The following OSCAR variants were observed in gnomAD, a reference collection of about 807,000 sequenced individuals.
OSCAR encodes the protein osteoclast-associated immunoglobulin-like receptor.
Under a neutral mutation model 27.3 loss-of-function variants are expected in OSCAR, and 25 were observed. The observed-to-expected ratio is 0.92, with a 90% CI of 0.67 to 1.28. The LOEUF is 1.28. OSCAR is among the 50% of genes most tolerant of loss of function. OSCAR has a pLI of 0.00. For synonymous variants in OSCAR, 158 were observed against 165.7 expected (o/e 0.95, Z 0.36); for missense variants, 354 against 355.1 (o/e 1.00, Z 0.03).
rs1215562028 is a variant in OSCAR, at chr19:54,096,931, A to G, written c.304T>C (p.Tyr102His). ...CCCGGCCCCCAGTCTGGCCTTCGGT[A>G]GCAGCAGCGGTAACTTCCCCCTTGG... ...PAQGGSYRCC[Y>H]RRPDWGPGVW... Residue 102 changes from tyrosine (Y) to histidine (H), a missense_variant, in exon 3 of 5, where the codon TAC becomes CAC. Transcript: ENST00000358375. The G allele has an allele frequency of 6.2e-7, 1 of 1,613,978 alleles. No individual in the cohort carries two copies. Among genetic ancestry groups the G allele is most frequent in the Admixed American group, 1.7e-5 (1 of 59,982 alleles).
chr19:54,100,729 C>G lies in OSCAR; in HGVS notation c.37+27G>C. 23 of 1,550,654 alleles carry G rather than the reference C, an allele frequency of 1.5e-5. 1 individual carries two copies. The highest frequency in any genetic ancestry group is 1.9e-5 in the Non-Finnish European group (22 of 1,146,228). The stretch of plus-strand genomic sequence containing the variant: ...CTCTGCCCCCAACCCCAGCCAGGAA[C>G]CCAGGGAGAAGAAAGGGGTGACTCA... On this transcript the variant is annotated intron_variant, in intron 1 of 4. Transcript: ENST00000358375.
chr19:54,095,317 G>A lies in OSCAR; in HGVS notation c.696C>T (p.Arg232=). ...TGAGGACCAGCCCGGCCAGCCCCAGGCGGACTAGGTTCCCCCGGGTGTAGT... is the reference window on the plus strand; with the variant it reads ...TGAGGACCAGCCCGGCCAGCCCCAGACGGACTAGGTTCCCCCGGGTGTAGT... The part of the protein sequence containing the change: ...SSDYTRGNLV[R]LGLAGLVLIS... The change falls in exon 5 of 5, where the codon CGC becomes CGT. Residue 232 remains arginine, a synonymous_variant. Coordinates refer to ENST00000358375, the MANE Select transcript of OSCAR (RefSeq NM_133169.6). The A allele has an allele frequency of 1.3e-6, 2 of 1,580,726 alleles. No homozygotes were observed. The highest frequency in any genetic ancestry group is 1.7e-6 in the Non-Finnish European group (2 of 1,163,688).
intron 4 of OSCAR, 126 bp from the exon 5 acceptor site, chr19:54,095,483 G>A: frequency 6.9e-7 from 1 of 1,445,800 alleles, no homozygotes; most frequent in Non-Finnish European, 9.1e-7. Flanking sequence ...AAGTTGAGGG[G>A]GAGTCGATGG....
At chr19:54,096,184 C>A (rs1309107068) in intron 3 of OSCAR, 31 bp from the exon 4 acceptor site, 1 of 1,466,102 alleles carries the variant, frequency 6.8e-7, no homozygotes, top group Admixed American at 2.6e-5. Context: ...TCCGGGGCCG[C>A]GTGAGCGTCT....
In OSCAR at chr19:54,096,029, C is replaced by G. The variant is rs2072659635; in HGVS notation, c.498G>C (p.Val166=). ...NMSFVLYREG[V]AAPLQYRHSA... ...AGTGGCGGTACTGCAGCGGGGCCGC[C>G]ACGCCCTCGCGGTACAGCACGAAGC... The change falls in exon 4 of 5, where the codon GTG becomes GTC. Residue 166 remains valine, a synonymous_variant. Coordinates refer to ENST00000358375, the MANE Select transcript of OSCAR (RefSeq NM_133169.6). 10 of 1,563,042 alleles carry G rather than the reference C, an allele frequency of 6.4e-6. No homozygotes were observed. Among genetic ancestry groups the G allele is most frequent in the Non-Finnish European group, 6.9e-6 (8 of 1,157,266 alleles).
At position 54,097,180 on chromosome 19, in the gene OSCAR, T is replaced by C. The variant is rs587669078; in HGVS notation, c.71-16A>G. On this transcript the variant is annotated splice_polypyrimidine_tract_variant and intron_variant, in intron 2 of 4. Transcript: ENST00000358375. ...GCTGGGGGGACTGAATAAACGGGGC[T>C]GCCTGGGTCCTCGGGCCTCCTGGGA... is the stretch of plus-strand genomic sequence containing the variant. 3 of 1,594,780 alleles carry C rather than the reference T, an allele frequency of 1.9e-6. No homozygotes were observed. In the South Asian group the frequency reaches 3.3e-5, roughly 18 times the overall value.
chr19:54,097,893 G>A (rs929492656), intron 2 of OSCAR, among the ~76,000 whole-genome samples: 4 of 151,752 alleles, frequency 2.6e-5, no homozygotes, highest in Non-Finnish European at 5.9e-5. Context: ...GAGCCACCAC[G>A]CCCAGCCAGA....
intron 2 of OSCAR, among the ~76,000 whole-genome samples, chr19:54,098,442 G>A (rs587650461): frequency 3.3e-5 from 5 of 152,090 alleles, no homozygotes; most frequent in Non-Finnish European, 7.3e-5. Context: ...GTGCTAGCTT[G>A]TAGTTCCAGC....
At position 54,097,126 on chromosome 19, in the gene OSCAR, C is replaced by T. The variant is rs2072788271; in HGVS notation, c.109G>A (p.Ala37Thr). 1 of 1,614,070 alleles carries T rather than the reference C, an allele frequency of 6.2e-7. No individual in the cohort carries two copies. Among genetic ancestry groups the T allele is most frequent in the South Asian group, 1.1e-5 (1 of 91,086 alleles). The change falls in exon 3 of 5, where the codon GCT (alanine) becomes ACT (threonine). Residue 37 changes from alanine to threonine, a missense_variant. Physicochemically the swap from Ala to Thr is moderately conservative, Grantham distance 58 (BLOSUM62 0). Coordinates refer to ENST00000358375, the MANE Select transcript of OSCAR (RefSeq NM_133169.6). ...ASYHPKPWLG[A>T]QPATVVTPGV... is the part of the protein sequence containing the mutation. The stretch of plus-strand genomic sequence containing the variant: ...GGGGTCACAACTGTAGCCGGCTGAG[C>T]TCCCAGCCATGGCTTAGGGTGGTAT...
Position 54,095,271 on chromosome 19 carries a change from TGACCAGCGCGCCCAGGGAGATGAG to T in OSCAR, c.718_741del (p.Leu240_Val247del), listed in dbSNP as rs1255046878. On this transcript the variant is annotated inframe_deletion, in exon 5 of 5. Coordinates refer to ENST00000358375, the MANE Select transcript of OSCAR (RefSeq NM_133169.6). ...CGGTTCTGACTGCGCCAGTCAAAAG[TGACCAGCGCGCCCAGGGAGATGAG>T]GACCAGCCCGGCCAGCCCCAGGCGG... 1.9e-5 allele frequency: 30 copies of T among 1,606,116 alleles called. No homozygotes were observed. Among genetic ancestry groups the T allele is most frequent in the Non-Finnish European group, 2.3e-5 (27 of 1,177,050 alleles).
At position 54,095,436 on chromosome 19, in the gene OSCAR, C is replaced by T. The variant is rs1031346297; in HGVS notation, c.656-79G>A. 13 of 1,499,328 alleles carry T rather than the reference C, an allele frequency of 8.7e-6. No homozygotes were observed. The African/African-American group carries it at 1.8e-4, about 21-fold the overall frequency. 92.9% of individuals were successfully genotyped at this position (1,499,328 alleles called of 1,614,324 possible). On this transcript the variant is annotated intron_variant, in intron 4 of 4. Transcript: ENST00000358375. The stretch of plus-strand genomic sequence containing the variant: ...GGCCCTGAACTCCAGGTTTCCAGCC[C>T]CTGGGGTGGACTTAGGGACCTGACT...
intron 4 of OSCAR, 181 bp from the exon 5 acceptor site, chr19:54,095,538 C>A: frequency 7.4e-7 from 1 of 1,357,650 alleles, no homozygotes; most frequent in Non-Finnish European, 9.6e-7. Context: ...GGGGCCTGGA[C>A]TGCTGGATCA....
rs1487338266 is a variant in OSCAR, at chr19:54,095,913, A to T, written c.614T>A (p.Val205Glu). The change falls in exon 4 of 5, where the codon GTG becomes GAG. Residue 205 changes from valine (V) to glutamate (E), a missense_variant. Physicochemically the swap from Val to Glu is moderately radical, Grantham distance 121 (BLOSUM62 -2). Transcript: ENST00000358375. ...CYYHTPSAPY[V>E]LSQRSEVLVI... ...CAGCACCTCGCTGCGCTGCGACAGC[A>T]CGTAGGGCGCGGAGGGCGTGTGATA... 1 of 1,577,486 alleles carries T rather than the reference A, an allele frequency of 6.3e-7. No homozygotes were observed. Among genetic ancestry groups the T allele is most frequent in the Admixed American group, 1.9e-5 (1 of 54,018 alleles).
In OSCAR at chr19:54,099,229, ATTTT is replaced by A. The variant is rs1228940404; in HGVS notation, c.70+515_70+518del. On this transcript the variant is annotated intron_variant, in intron 2 of 4. Transcript: ENST00000358375. ...AGGTGCGTCCCACCACACCCGGCTA[ATTTT>A]TTTTTTTTTTTTTTTTTTTTAGTAG... Among the ~76,000 whole-genome samples, 459 of 82,404 alleles carry A rather than the reference ATTTT, an allele frequency of 5.6e-3. 2 individuals are homozygous for A. Among genetic ancestry groups the A allele is most frequent in the Admixed American group, 8.3e-3 (46 of 5,560 alleles). The allele number at this position is 82,404 out of a possible 152,430, so 54.1% of individuals were successfully genotyped here.
chr19:54,097,302 G>A, intron 2 of OSCAR, 138 bp from the exon 3 acceptor site: 1 of 881,404 alleles, frequency 1.1e-6, no homozygotes, highest in Non-Finnish European at 1.7e-6. Context: ...GTAAAATCAG[G>A]GAGAGACTGG....
At position 54,097,103 on chromosome 19, in the gene OSCAR, G is replaced by A; in HGVS notation, c.132C>T (p.Thr44=). 1 of 1,614,188 alleles carries A rather than the reference G, an allele frequency of 6.2e-7. No individual in the cohort carries two copies. The highest frequency in any genetic ancestry group is 8.5e-7 in the Non-Finnish European group (1 of 1,180,042). The stretch of plus-strand genomic sequence containing the variant: ...ATCTCAAGGTCACGTTGACCCCAGG[G>A]GTCACAACTGTAGCCGGCTGAGCTC... ...WLGAQPATVV[T]PGVNVTLRCR... Residue 44 remains threonine (T), a synonymous_variant, in exon 3 of 5, where the codon ACC becomes ACT. Coordinates refer to ENST00000358375, the MANE Select transcript of OSCAR (RefSeq NM_133169.6).
chr19:54,097,044 A>T lies in OSCAR; in HGVS notation c.191T>A (p.Leu64His), dbSNP rs769041798. 4.3e-6 allele frequency: 7 copies of T among 1,614,196 alleles called. No individual in the cohort carries two copies. In the South Asian group the frequency reaches 6.6e-5, roughly 15 times the overall value. ...RAPQPAWRFG[L>H]FKPGEIAPLL... ...GGGAGCGATCTCTCCAGGCTTGAAA[A>T]GTCCAAATCTCCAAGCGGGTTGGGG... Residue 64 changes from leucine (L) to histidine (H), a missense_variant, in exon 3 of 5, where the codon CTT (leucine) becomes CAT (histidine). Transcript: ENST00000358375.
chr19:54,095,566 G>A (rs1387942713), intron 4 of OSCAR: 49 of 1,285,686 alleles, frequency 3.8e-5, no homozygotes, highest in Non-Finnish European at 4.7e-5. Context: ...GGGGCTGGGG[G>A]CCTGGAGTCC....
At chr19:54,099,275 C>T (rs1020383060) in intron 2 of OSCAR, among the ~76,000 whole-genome samples, 4 of 129,648 alleles carry the variant, frequency 3.1e-5, no homozygotes, top group Admixed American at 8.8e-5. Context: ...GGTTTCACCA[C>T]ATTAGCCAGG....
Sources: gnomAD v4.1 joint callset for allele counts (sites outside exome capture counted in the v4.1 genomes callset) on GRCh38, gnomAD v4.1.1 for gene constraint, MANE v1.5 for transcripts, NCBI Gene and HGNC (gene_info 2026-07-23, HGNC 2026-07-21) for gene names.